Variants in RALA observed in about 807,000 individuals in gnomAD.
The protein encoded by RALA is RAS like proto-oncogene A, also known as ras-related protein Ral-A.
A neutral mutation model predicts 24.0 loss-of-function variants in RALA; 5 were observed. The observed-to-expected ratio is 0.21, with a 90% CI of 0.11 to 0.44. The LOEUF (loss-of-function observed/expected upper bound fraction) is 0.44. Among genes scored for constraint, RALA ranks in the 20% least tolerant of loss-of-function variants. RALA has a pLI of 0.99. For missense variants in RALA, 95 were observed against 241.2 expected (o/e 0.39, Z 4.01); for synonymous variants, 77 against 83.8 (o/e 0.92, Z 0.44).
At chr7:39,641,926 A>G (rs978942131) in intron 1 of RALA, among the ~76,000 whole-genome samples, 2 of 152,224 alleles carry the variant, frequency 1.3e-5, no homozygotes, top group Non-Finnish European at 2.9e-5. Flanking sequence ...TCCATATAGT[A>G]CTTTTTGGGA....
chr7:39,647,597 T>C (rs180807299), intron 1 of RALA, among the ~76,000 whole-genome samples: 85 of 152,278 alleles, frequency 5.6e-4, no homozygotes, highest in Middle Eastern at 3.4e-3. Context: ...CCCCCAAATT[T>C]GTATGTTGAA....
At chr7:39,625,585 T>C (rs1791471016) in intron 1 of RALA, among the ~76,000 whole-genome samples, 1 of 152,232 alleles carries the variant, frequency 6.6e-6, no homozygotes, top group Non-Finnish European at 1.5e-5. Flanking sequence ...CAATAGCCTC[T>C]TTTACATTTA....
chr7:39,630,162 G>A (rs1309971496), intron 1 of RALA, among the ~76,000 whole-genome samples: 1 of 151,188 alleles, frequency 6.6e-6, no homozygotes, highest in Non-Finnish European at 1.5e-5. Context: ...TCCCACCTCA[G>A]CCTCCTGAGT....
intron 1 of RALA, among the ~76,000 whole-genome samples, chr7:39,633,010 G>GT (rs1378773717): frequency 6.6e-6 from 1 of 152,084 alleles, no homozygotes; most frequent in East Asian, 1.9e-4. Flanking sequence ...ATTTCATTTT[G>GT]TTTTTTACCC....
intron 1 of RALA, among the ~76,000 whole-genome samples, chr7:39,642,166 A>G (rs1791829420): frequency 6.6e-6 from 1 of 152,218 alleles, no homozygotes; most frequent in African/African-American, 2.4e-5. Context: ...TGTGCAGCAT[A>G]CAACAAGTGG....
intron 1 of RALA, among the ~76,000 whole-genome samples, chr7:39,645,351 T>G (rs1270628797): frequency 1.3e-5 from 2 of 152,180 alleles, no homozygotes; most frequent in Non-Finnish European, 2.9e-5. Context: ...CATTTCGTTT[T>G]TAAGGCAGTA....
chr7:39,628,016 C>T (rs774838751), intron 1 of RALA, among the ~76,000 whole-genome samples: 6 of 151,750 alleles, frequency 4.0e-5, no homozygotes, highest in Non-Finnish European at 5.9e-5. Flanking sequence ...CCTTATCTCT[C>T]TTCTTGGATG....
chr7:39,627,229 A>AG (rs1204288206), intron 1 of RALA, among the ~76,000 whole-genome samples: 2 of 152,196 alleles, frequency 1.3e-5, no homozygotes, highest in Non-Finnish European at 2.9e-5. Flanking sequence ...AAAAAAAGAA[A>AG]TTAAAGTTCT....
intron 1 of RALA, among the ~76,000 whole-genome samples, chr7:39,633,718 G>T (rs546533742): frequency 6.6e-6 from 1 of 152,284 alleles, no homozygotes; most frequent in East Asian, 1.9e-4. Context: ...AAGTGTGTAA[G>T]GCCTGGGACA....
At chr7:39,667,322 T>G (rs1248539368) in intron 1 of RALA, among the ~76,000 whole-genome samples, 1 of 152,226 alleles carries the variant, frequency 6.6e-6, no homozygotes, top group African/African-American at 2.4e-5. Flanking sequence ...TGTGTCTACC[T>G]CCTCTTATCC....
intron 1 of RALA, among the ~76,000 whole-genome samples, chr7:39,684,335 A>G (rs78963563): frequency 0.014 from 2,078 of 152,308 alleles, 47 homozygotes; most frequent in African/African-American, 0.047. Flanking sequence ...ATGTGATCTC[A>G]GTTATGTTAA....
intron 1 of RALA, among the ~76,000 whole-genome samples, chr7:39,684,408 T>C (rs559606251): frequency 2.0e-5 from 3 of 152,146 alleles, no homozygotes; most frequent in African/African-American, 7.2e-5. Flanking sequence ...AAATGGACAG[T>C]AGGATTATGG....
In RALA at chr7:39,638,678, C is replaced by T. The variant is rs140841372; in HGVS notation, c.-38+14853C>T. On this transcript the variant is annotated intron_variant, in intron 1 of 4. Coordinates refer to ENST00000005257, the MANE Select transcript of RALA (RefSeq NM_005402.4). ...TCCAGGATGGTCTGAAACTCCTGGG[C>T]TCAAGCAGTCCTCCCCTTTGGCCTC... 9.4e-3 allele frequency among the ~76,000 whole-genome samples: 1,435 copies of T among 152,242 alleles called. 6 individuals carry two copies. Among genetic ancestry groups the T allele is most frequent in the Non-Finnish European group, 0.015 (1,016 of 67,996 alleles).
intron 1 of RALA, among the ~76,000 whole-genome samples, chr7:39,674,600 G>A (rs892654552): frequency 7.9e-5 from 12 of 152,038 alleles, no homozygotes; most frequent in Non-Finnish European, 1.5e-4. Context: ...AAAAGAATTT[G>A]GAAGCTTTCC....
chr7:39,638,238 A>G (rs1296276251), intron 1 of RALA, among the ~76,000 whole-genome samples: 1 of 152,182 alleles, frequency 6.6e-6, no homozygotes, highest in Non-Finnish European at 1.5e-5. Flanking sequence ...AGCTGGGATT[A>G]CAGGAGTGTG....
chr7:39,674,961 T>A (rs1792454176), intron 1 of RALA, among the ~76,000 whole-genome samples: 1 of 151,792 alleles, frequency 6.6e-6, no homozygotes, highest in Non-Finnish European at 1.5e-5. Flanking sequence ...ATAGCTGGGA[T>A]TACAGGCACA....
chr7:39,686,375 T>C (rs1408507900), intron 1 of RALA, among the ~76,000 whole-genome samples: 1 of 152,240 alleles, frequency 6.6e-6, no homozygotes, highest in Non-Finnish European at 1.5e-5. Context: ...TTTTCACTTT[T>C]GATCATAGCT....
intron 1 of RALA, among the ~76,000 whole-genome samples, chr7:39,647,749 A>G (rs1200706467): frequency 3.3e-5 from 5 of 152,200 alleles, no homozygotes; most frequent in Non-Finnish European, 5.9e-5. Context: ...CCACCATGTG[A>G]GGTTACAGTG....
At chr7:39,679,513 C>G (rs1455954829) in intron 1 of RALA, among the ~76,000 whole-genome samples, 2 of 151,988 alleles carry the variant, frequency 1.3e-5, no homozygotes, top group African/African-American at 4.8e-5. Context: ...ATTTGTATAT[C>G]CTTTTCTGTG....
Sources: allele counts gnomAD v4.1 joint callset (sites outside exome capture counted in the v4.1 genomes callset), GRCh38; gene constraint gnomAD v4.1.1; transcripts MANE v1.5; gene names NCBI Gene and HGNC (gene_info 2026-07-23, HGNC 2026-07-21).